Variants in SMAD1 observed in about 807,000 individuals in gnomAD.
SMAD1 encodes the protein MAD, mothers against decapentaplegic homolog 1.
In SMAD1, 6 loss-of-function variants were observed where a neutral mutation model predicts 41.6. The ratio of observed to expected loss-of-function variants is 0.14; its 90% CI spans 0.08 to 0.28. SMAD1 has a LOEUF of 0.28. Ranked by LOEUF, SMAD1 falls within the 10% of genes least tolerant of loss-of-function variation. The pLI, the probability that SMAD1 is intolerant of heterozygous loss-of-function variation, is 1.00. For missense variants in SMAD1, 379 were observed against 582.6 expected (o/e 0.65, Z 3.60); for synonymous variants, 206 against 203.2 (o/e 1.01, Z -0.12).
intron 4 of SMAD1, chr4:145,546,066 A>G (rs965060785): frequency 6.6e-6 from 1 of 152,560 alleles, no homozygotes; most frequent in Non-Finnish European, 1.5e-5. Flanking sequence ...TGGATGAGAA[A>G]GATATGATTC....
At chr4:145,481,016 T>G (rs993655321), upstream of SMAD1, among the ~76,000 whole-genome samples, 3 of 152,024 alleles carry the variant, frequency 2.0e-5, no homozygotes, top group Non-Finnish European at 2.9e-5. Flanking sequence ...ATGCAAGATT[T>G]TATGCAGCTT....
Position 145,540,028 on chromosome 4 carries a change from A to G in SMAD1, c.625A>G (p.Ser209Gly). The G allele has an allele frequency of 6.2e-7, 1 of 1,614,090 alleles. No individual in the cohort carries two copies. The highest frequency in any genetic ancestry group is 8.5e-7 in the Non-Finnish European group (1 of 1,179,986). Residue 209 changes from serine (S) to glycine (G), a missense_variant, in exon 3 of 7, where the codon AGC becomes GGC. By Grantham distance (56) the Ser-to-Gly change is moderately conservative. Coordinates refer to ENST00000302085, the MANE Select transcript of SMAD1 (RefSeq NM_005900.3). Reference protein sequence around the residue: ...SSSTYPHSPTSSDPGSPFQMP... With the variant: ...SSSTYPHSPTGSDPGSPFQMP... ...CAGCACCTACCCTCACTCTCCCACCAGCTCAGACCCAGGAAGCCCTTTCCA... is the reference window on the plus strand; with the variant it reads ...CAGCACCTACCCTCACTCTCCCACCGGCTCAGACCCAGGAAGCCCTTTCCA...
upstream of SMAD1, chr4:145,481,645 C>A (rs1467409717): frequency 1.3e-5 from 2 of 153,348 alleles, no homozygotes; most frequent in Non-Finnish European, 2.9e-5. Context: ...CGGCCGCTCC[C>A]CCGCGCCGTC....
intron 2 of SMAD1, chr4:145,525,701 A>G (rs964492454): frequency 6.6e-6 from 1 of 151,986 alleles, no homozygotes; most frequent in African/African-American, 2.4e-5. Flanking sequence ...CTGCTTACCC[A>G]CTCCACTTTT....
intron 1 of SMAD1, chr4:145,497,190 G>C (rs538680803): frequency 8.5e-5 from 13 of 152,288 alleles, no homozygotes; most frequent in African/African-American, 2.9e-4. Context: ...TACTAGTAAG[G>C]CTGCTTTGGA....
chr4:145,498,664 C>T (rs1729236540), intron 1 of SMAD1, among the ~76,000 whole-genome samples: 2 of 152,150 alleles, frequency 1.3e-5, no homozygotes, highest in African/African-American at 2.4e-5. Flanking sequence ...CATGTATATA[C>T]ATAGACAGTT....
At chr4:145,530,328 C>G (rs1023197576) in intron 2 of SMAD1, among the ~76,000 whole-genome samples, 2 of 152,030 alleles carry the variant, frequency 1.3e-5, no homozygotes, top group Non-Finnish European at 2.9e-5. Context: ...AGCAAAGGTG[C>G]AGAAGTATGA....
intron 1 of SMAD1, among the ~76,000 whole-genome samples, chr4:145,500,819 T>C (rs180865407): frequency 6.6e-6 from 1 of 152,344 alleles, no homozygotes; most frequent in Non-Finnish European, 1.5e-5. Context: ...ATTAGCCTTA[T>C]TTGTGAACCT....
chr4:145,535,201 C>G (rs1195583048), intron 2 of SMAD1, among the ~76,000 whole-genome samples: 1 of 152,072 alleles, frequency 6.6e-6, no homozygotes, highest in African/African-American at 2.4e-5. Flanking sequence ...GCTTGACAGA[C>G]TCTATTCTGG....
At chr4:145,481,769 G>GCGGGCGGGCGGT, upstream of SMAD1, 1 of 197,824 alleles carries the variant, frequency 5.1e-6, no homozygotes, top group South Asian at 9.0e-5. Context: ...GTGTGAGCGG[G>GCGGGCGGGCGGT]CGGGCGGGCA....
Position 145,482,209 on chromosome 4 carries a change from C to T in SMAD1, c.-177+171C>T, listed in dbSNP as rs1044413233. ...CGGCGGGAAGGGGGCTCTTTCTGCG[C>T]GGGGCGGGCCGCGACCCCCCCCCCC... On this transcript the variant is annotated intron_variant, in intron 1 of 6. Transcript: ENST00000302085. This position sits in a 1 kb window ranked among gnomAD's most constrained non-coding sequence, Gnocchi z 4.2. 2.1e-5 allele frequency among the ~76,000 whole-genome samples: 3 copies of T among 143,374 alleles called. No individual in the cohort carries two copies. Among genetic ancestry groups the T allele is most frequent in the African/African-American group, 8.1e-5 (3 of 37,260 alleles). The allele number at this position is 143,374 out of a possible 152,430, so 94.1% of individuals were successfully genotyped here. A position where few individuals can be genotyped will look rare whatever the true frequency, so the allele number is the denominator to read the frequency against.
chr4:145,554,997 T>C (rs1732759274), intron 6 of SMAD1, among the ~76,000 whole-genome samples: 1 of 152,314 alleles, frequency 6.6e-6, no homozygotes, highest in East Asian at 1.9e-4. Context: ...ATCAAAGATA[T>C]CTTTTCCTGA....
At chr4:145,503,799 C>T (rs1729604558) in intron 1 of SMAD1, 1 of 152,152 alleles carries the variant, frequency 6.6e-6, no homozygotes, top group African/African-American at 2.4e-5. Context: ...CTCCCATATC[C>T]CAAAGGTGTG....
chr4:145,533,252 C>T (rs1383877365), intron 2 of SMAD1, among the ~76,000 whole-genome samples: 5 of 152,182 alleles, frequency 3.3e-5, no homozygotes, highest in African/African-American at 4.8e-5. Context: ...AATTAGTCAT[C>T]GCTTATAGTT....
Position 145,539,880 on chromosome 4 carries a change from A to C in SMAD1, c.477A>C (p.Leu159Phe). ...QHSLLAQFRN[L>F]GQNEPHMPLN... is the part of the protein sequence containing the mutation. The stretch of plus-strand genomic sequence containing the variant: ...GCCTCTTAGCTCAGTTCCGTAACTT[A>C]GGACAAAATGAGCCTCACATGCCAC... Residue 159 changes from leucine (L) to phenylalanine (F), a missense_variant, in exon 3 of 7, where the codon TTA becomes TTC. Physicochemically the swap from Leu to Phe is conservative, Grantham distance 22. Transcript: ENST00000302085. 1 of 1,614,082 alleles carries C rather than the reference A, an allele frequency of 6.2e-7. No homozygotes were observed. Among genetic ancestry groups the C allele is most frequent in the Non-Finnish European group, 8.5e-7 (1 of 1,180,008 alleles).
chr4:145,510,207 T>C (rs2126385476), intron 1 of SMAD1, among the ~76,000 whole-genome samples: 1 of 152,304 alleles, frequency 6.6e-6, no homozygotes, highest in South Asian at 2.1e-4. Context: ...GCTAGGGATT[T>C]ATCCAATTTT....
chr4:145,527,004 G>C (rs1477043299), intron 2 of SMAD1, among the ~76,000 whole-genome samples: 1 of 152,074 alleles, frequency 6.6e-6, no homozygotes, highest in African/African-American at 2.4e-5. Context: ...ATGCATTCTT[G>C]AAACAATATG....
chr4:145,521,621 A>G (rs149755170), intron 2 of SMAD1, among the ~76,000 whole-genome samples: 313 of 152,270 alleles, frequency 2.1e-3, no homozygotes, highest in Middle Eastern at 0.02. Flanking sequence ...AAGTCTTAAA[A>G]TTATAGAAAT....
chr4:145,494,310 T>A (rs1285620182), intron 1 of SMAD1, among the ~76,000 whole-genome samples: 1 of 152,180 alleles, frequency 6.6e-6, no homozygotes, highest in African/African-American at 2.4e-5. Flanking sequence ...CTATTTATGC[T>A]TATGTTCATA....
Sources: gnomAD v4.1 joint callset for allele counts (sites outside exome capture counted in the v4.1 genomes callset) on GRCh38, gnomAD v4.1.1 for gene constraint, Gnocchi (gnomAD v3.1) non-coding constraint, MANE v1.5 for transcripts, NCBI Gene and HGNC (gene_info 2026-07-23, HGNC 2026-07-21) for gene names.